WWOX: variants seen among roughly 807,000 people sequenced by gnomAD.
WWOX encodes the protein WW domain containing oxidoreductase.
A neutral mutation model predicts 46.2 loss-of-function variants in WWOX; 69 were observed. The observed-to-expected ratio is 1.49, with a 90% confidence interval of 1.23 to 1.82. The LOEUF (loss-of-function observed/expected upper bound fraction) is 1.82. Ranked by LOEUF, WWOX falls within the 40% of genes most tolerant of loss-of-function variation. WWOX has a pLI of 0.00. For missense variants in WWOX, 919 were observed against 542.6 expected (o/e 1.69, Z -6.89); for synonymous variants, 359 against 202.6 (o/e 1.77, Z -6.56).
intron 6 of WWOX, among the ~76,000 whole-genome samples, chr16:78,418,392 T>C (rs12051129): frequency 0.26 from 38,618 of 150,830 alleles, 10,441 homozygotes; most frequent in African/African-American, 0.68. Context: ...AGAATTAATA[T>C]CAATTTTCCA....
chr16:78,253,655 G>T (rs1213670024), intron 5 of WWOX, among the ~76,000 whole-genome samples: 1 of 152,154 alleles, frequency 6.6e-6, no homozygotes, highest in Non-Finnish European at 1.5e-5. Context: ...GTGTTCCAAA[G>T]ATATCGTAAA....
chr16:78,557,688 G>GTTTTTTTTTTTTTTTTTTTTTTTT (rs1567642864), intron 8 of WWOX, among the ~76,000 whole-genome samples: 1 of 107,108 alleles, frequency 9.3e-6, no homozygotes, highest in African/African-American at 6.0e-5. Flanking sequence ...TCTAGGGAAG[G>GTTTTTTTTTTTTTTTTTTTTTTTT]ATTTTTTTTT....
At chr16:78,705,150 TATTAA>T (rs1372509265) in intron 8 of WWOX, among the ~76,000 whole-genome samples, 1 of 152,190 alleles carries the variant, frequency 6.6e-6, no homozygotes, top group Non-Finnish European at 1.5e-5. Flanking sequence ...TTTTCTTTGA[TATTAA>T]AAAGCCAACC....
chr16:78,157,038 A>T (rs1004931357), intron 4 of WWOX, among the ~76,000 whole-genome samples: 1 of 152,060 alleles, frequency 6.6e-6, no homozygotes, highest in Non-Finnish European at 1.5e-5. Context: ...ATGACTAAGA[A>T]TTGTTTACTC....
intron 8 of WWOX, among the ~76,000 whole-genome samples, chr16:78,959,294 C>G (rs1049387633): frequency 6.6e-6 from 1 of 152,154 alleles, no homozygotes. Context: ...TTTCAAAAGG[C>G]ATGTATTTTT....
At chr16:78,346,530 G>A (rs1157978161) in intron 5 of WWOX, among the ~76,000 whole-genome samples, 1 of 119,750 alleles carries the variant, frequency 8.4e-6, no homozygotes, top group East Asian at 1.9e-4. Flanking sequence ...AGTGTTTAAG[G>A]ATCCACTTCC....
chr16:79,003,428 T>C (rs1443533031), intron 8 of WWOX, among the ~76,000 whole-genome samples: 2 of 152,214 alleles, frequency 1.3e-5, no homozygotes, highest in African/African-American at 4.8e-5. Context: ...TATCTATTGC[T>C]GAGTAACAAG....
chr16:78,976,432 G>T (rs1053455248), intron 8 of WWOX, among the ~76,000 whole-genome samples: 2 of 152,218 alleles, frequency 1.3e-5, no homozygotes, highest in East Asian at 3.9e-4. Context: ...GCGTGGGCCT[G>T]TGACTAACAG....
intron 8 of WWOX, among the ~76,000 whole-genome samples, chr16:79,011,109 G>A (rs1381166267): frequency 1.3e-5 from 2 of 148,332 alleles, no homozygotes; most frequent in Non-Finnish European, 3.0e-5. Context: ...TGATATGTAT[G>A]GTTACATATC....
chr16:78,795,345 G>T (rs1567565075), intron 8 of WWOX, among the ~76,000 whole-genome samples: 1 of 152,158 alleles, frequency 6.6e-6, no homozygotes, highest in Non-Finnish European at 1.5e-5. Flanking sequence ...CCTGAAAGCT[G>T]ACTCTTTAAC....
Position 78,425,024 on chromosome 16 carries a change from C to G in WWOX, c.760C>G (p.Arg254Gly). The change falls in exon 7 of 9, where the codon CGT (arginine) becomes GGT (glycine). Residue 254 changes from arginine to glycine, a missense_variant. Physicochemically the swap from Arg to Gly is moderately radical, Grantham distance 125 (BLOSUM62 -2). Coordinates refer to ENST00000566780, the MANE Select transcript of WWOX (RefSeq NM_016373.4). ...TGTTTTGTGCCGCTCAGCTCCTGCC[C>G]GTGTCATTGTGGTCTCCTCAGAGTC... ...QDVLCRSAPA[R>G]VIVVSSESHR... The G allele has an allele frequency of 6.2e-7, 1 of 1,613,912 alleles. No homozygotes were observed. The highest frequency in any genetic ancestry group is 8.5e-7 in the Non-Finnish European group (1 of 1,180,004).
chr16:79,176,171 C>T (rs1399449314), intron 8 of WWOX, among the ~76,000 whole-genome samples: 1 of 152,104 alleles, frequency 6.6e-6, no homozygotes, highest in Non-Finnish European at 1.5e-5. Flanking sequence ...CCCCAAAATG[C>T]ATTATAGCTG....
At chr16:78,885,328 T>C (rs2044432403) in intron 8 of WWOX, among the ~76,000 whole-genome samples, 1 of 152,202 alleles carries the variant, frequency 6.6e-6, no homozygotes, top group Non-Finnish European at 1.5e-5. Context: ...GAATAACATT[T>C]GGTCAGTATA....
chr16:78,381,295 G>T (rs780025334), intron 5 of WWOX, among the ~76,000 whole-genome samples: 25 of 152,160 alleles, frequency 1.6e-4, no homozygotes, highest in Admixed American at 1.4e-3. Flanking sequence ...CACACTTACA[G>T]ACTCTTGAGT....
intron 8 of WWOX, among the ~76,000 whole-genome samples, chr16:78,830,102 A>G (rs2051774933): frequency 6.6e-6 from 1 of 152,148 alleles, no homozygotes; most frequent in African/African-American, 2.4e-5. Context: ...CCTCATCTCT[A>G]TAAAAAATTT....
intron 8 of WWOX, among the ~76,000 whole-genome samples, chr16:79,012,462 A>G (rs2047330190): frequency 6.6e-6 from 1 of 152,112 alleles, no homozygotes; most frequent in African/African-American, 2.4e-5. Flanking sequence ...CGAACTCCTG[A>G]CCTCAAAAGT....
chr16:78,366,466 C>T (rs2081538585), intron 5 of WWOX, among the ~76,000 whole-genome samples: 2 of 152,136 alleles, frequency 1.3e-5, no homozygotes, highest in Non-Finnish European at 2.9e-5. Context: ...CTTTCTTCTC[C>T]TGCATTCATT....
chr16:78,202,411 G>C (rs935074860), intron 5 of WWOX, among the ~76,000 whole-genome samples: 8 of 152,158 alleles, frequency 5.3e-5, no homozygotes, highest in African/African-American at 1.9e-4. Flanking sequence ...CGTCGATCTG[G>C]CTTTATCCAT....
chr16:79,015,715 C>T (rs767827155), intron 8 of WWOX, among the ~76,000 whole-genome samples: 1 of 152,132 alleles, frequency 6.6e-6, no homozygotes, highest in African/African-American at 2.4e-5. Flanking sequence ...CCAAAATGGG[C>T]TGTTTCGTCT....
Sources: allele counts gnomAD v4.1 joint callset (sites outside exome capture counted in the v4.1 genomes callset), GRCh38; gene constraint gnomAD v4.1.1; transcripts MANE v1.5; gene names NCBI Gene and HGNC (gene_info 2026-07-23, HGNC 2026-07-21).